Variants in ZCWPW2 observed in about 807,000 individuals in gnomAD.
The protein encoded by ZCWPW2 is zinc finger CW-type PWWP domain protein 2.
A neutral mutation model predicts 46.6 loss-of-function variants in ZCWPW2; 45 were observed. The ratio of observed to expected loss-of-function variants is 0.96; its 90% CI spans 0.76 to 1.24. ZCWPW2 has a LOEUF of 1.24. Ranked by LOEUF, ZCWPW2 falls within the 50% of genes most tolerant of loss-of-function variation. The probability of loss-of-function intolerance (pLI) is 0.00; values close to 1 mark genes in which losing one functional copy is unlikely to be tolerated. For synonymous variants in ZCWPW2, 152 were observed against 137.1 expected, an observed-to-expected ratio of 1.11 and a Z score of -0.76; for missense variants, 429 against 403.9, an observed-to-expected ratio of 1.06 and a Z score of -0.53.
At chr3:28,351,248 A>G (rs952201657) in intron 1 of ZCWPW2, among the ~76,000 whole-genome samples, 1 of 149,078 alleles carries the variant, frequency 6.7e-6, no homozygotes, top group African/African-American at 2.5e-5. Context: ...TCATTATATA[A>G]AAAATATATA....
intron 1 of ZCWPW2, among the ~76,000 whole-genome samples, chr3:28,366,419 G>A (rs953022318): frequency 5.7e-5 from 6 of 104,982 alleles, no homozygotes; most frequent in Non-Finnish European, 9.5e-5. Context: ...TTTCGTCGTT[G>A]GTTCTGTTTA....
At chr3:28,518,700 A>C (rs1223683920) in intron 8 of ZCWPW2, among the ~76,000 whole-genome samples, 1 of 152,218 alleles carries the variant, frequency 6.6e-6, no homozygotes, top group African/African-American at 2.4e-5. Context: ...CTGACATTAG[A>C]AATATAAAGA....
chr3:28,424,965 A>G (rs968003517), intron 3 of ZCWPW2, among the ~76,000 whole-genome samples: 1 of 152,208 alleles, frequency 6.6e-6, no homozygotes. Context: ...TCTCTAATTA[A>G]CATTTTGGAA....
At chr3:28,391,892 G>GAAAGGAGC (rs1288306795) in intron 2 of ZCWPW2, among the ~76,000 whole-genome samples, 6 of 152,020 alleles carry the variant, frequency 3.9e-5, no homozygotes, top group African/African-American at 1.4e-4. Context: ...AAGACAGGAA[G>GAAAGGAGC]AAAGGAGCAA....
chr3:28,426,119 T>A (rs1276855254), intron 3 of ZCWPW2, among the ~76,000 whole-genome samples: 2 of 151,314 alleles, frequency 1.3e-5, no homozygotes, highest in Non-Finnish European at 2.9e-5. Flanking sequence ...CAAAAAAAAA[T>A]TATATTTATA....
rs191943872 is a variant in ZCWPW2 at position 28,417,525 on chromosome 3, A to T, written c.332+4125A>T. Among the ~76,000 whole-genome samples, 803 of 152,114 alleles carry T rather than the reference A, an allele frequency of 5.3e-3. 9 individuals carry two copies. The highest frequency in any genetic ancestry group is 0.018 in the African/African-American group (767 of 41,494). ...CCCTAACTCATTTTATGAGGCCAGC[A>T]TCATCCTGATACCAAAGCCTGACAG... On this transcript the variant is annotated intron_variant, in intron 3 of 9. Coordinates refer to ENST00000383768, the MANE Select transcript of ZCWPW2 (RefSeq NM_001040432.4).
intron 5 of ZCWPW2, among the ~76,000 whole-genome samples, chr3:28,486,698 G>T (rs1206194575): frequency 6.6e-6 from 1 of 152,024 alleles, no homozygotes. Flanking sequence ...AACACGGTGA[G>T]ATTCCGTCTC....
chr3:28,372,801 G>A (rs919865355), intron 1 of ZCWPW2, among the ~76,000 whole-genome samples: 2 of 152,050 alleles, frequency 1.3e-5, no homozygotes, highest in Non-Finnish European at 2.9e-5. Context: ...AAAGTCCCCA[G>A]TGTCTATTAT....
chr3:28,523,088 A>C (rs1413352358), intron 9 of ZCWPW2, among the ~76,000 whole-genome samples: 1 of 152,208 alleles, frequency 6.6e-6, no homozygotes, highest in African/African-American at 2.4e-5. Context: ...GGTAAAATAC[A>C]TAGCTTTAAC....
chr3:28,357,019 AAAT>A (rs1704761458), intron 1 of ZCWPW2, among the ~76,000 whole-genome samples: 3 of 152,328 alleles, frequency 2.0e-5, no homozygotes, highest in Middle Eastern at 3.4e-3. Flanking sequence ...AAAAAGAAAA[AAAT>A]AAATTCCCTT....
chr3:28,504,744 A>AAAAGT (rs1700234211), intron 6 of ZCWPW2, among the ~76,000 whole-genome samples: 1 of 152,174 alleles, frequency 6.6e-6, no homozygotes, highest in Non-Finnish European at 1.5e-5. Flanking sequence ...TGGATTTTCA[A>AAAAGT]AAAGTCTACA....
At chr3:28,374,851 T>G (rs577491166) in intron 1 of ZCWPW2, among the ~76,000 whole-genome samples, 1 of 152,112 alleles carries the variant, frequency 6.6e-6, no homozygotes, top group Non-Finnish European at 1.5e-5. Flanking sequence ...TGAATTTGCT[T>G]AACAGGTTTT....
intron 2 of ZCWPW2, among the ~76,000 whole-genome samples, chr3:28,403,443 T>C (rs746838912): frequency 6.6e-6 from 1 of 152,018 alleles, no homozygotes; most frequent in African/African-American, 2.4e-5. Context: ...ATGGGTAGAA[T>C]CAATATTGTG....
intron 3 of ZCWPW2, 128 bp from the exon 4 acceptor site, chr3:28,434,982 A>G: frequency 1.1e-6 from 1 of 910,704 alleles, no homozygotes; most frequent in Non-Finnish European, 1.6e-6. Flanking sequence ...GAAAGATATA[A>G]GTAGGAATAT....
intron 2 of ZCWPW2, among the ~76,000 whole-genome samples, chr3:28,402,479 A>G (rs993305311): frequency 7.9e-5 from 12 of 152,190 alleles, no homozygotes; most frequent in African/African-American, 2.7e-4. Flanking sequence ...CCAGACATTC[A>G]AAGAATTGGT....
chr3:28,355,039 A>G (rs1454097332), intron 1 of ZCWPW2, among the ~76,000 whole-genome samples: 1 of 151,084 alleles, frequency 6.6e-6, no homozygotes, highest in Non-Finnish European at 1.5e-5. Context: ...AGGGTATTCA[A>G]TTAGGAAAAG....
chr3:28,473,493 T>C (rs1271154035), intron 4 of ZCWPW2, among the ~76,000 whole-genome samples: 1 of 150,146 alleles, frequency 6.7e-6, no homozygotes, highest in Non-Finnish European at 1.5e-5. Flanking sequence ...AACAAAAAAA[T>C]AGAGCTACTA....
intron 6 of ZCWPW2, among the ~76,000 whole-genome samples, chr3:28,495,614 T>G (rs1699963855): frequency 6.6e-6 from 1 of 150,926 alleles, no homozygotes; most frequent in Admixed American, 6.6e-5. Context: ...TTTGATAGAA[T>G]TTTTTTTTGT....
At chr3:28,489,086 A>T (rs1227802157) in intron 5 of ZCWPW2, among the ~76,000 whole-genome samples, 1 of 152,180 alleles carries the variant, frequency 6.6e-6, no homozygotes, top group Admixed American at 6.6e-5. Flanking sequence ...CTTGAACAAC[A>T]GTTCACATAT....
Sources: gnomAD v4.1 joint callset for allele counts (sites outside exome capture counted in the v4.1 genomes callset) on GRCh38, gnomAD v4.1.1 for gene constraint, MANE v1.5 for transcripts, NCBI Gene and HGNC (gene_info 2026-07-23, HGNC 2026-07-21) for gene names.